Variants in PPP2R5A observed in about 807,000 individuals in gnomAD.
The protein encoded by PPP2R5A is serine/threonine-protein phosphatase 2A 56 kDa regulatory subunit alpha isoform.
A neutral mutation model predicts 64.2 loss-of-function variants in PPP2R5A; 25 were observed. The observed-to-expected ratio is 0.39, with a 90% CI of 0.28 to 0.54. The LOEUF (loss-of-function observed/expected upper bound fraction) is 0.54. Among genes scored for constraint, PPP2R5A ranks in the 20% least tolerant of loss-of-function variants. The pLI, the probability that PPP2R5A is intolerant of heterozygous loss-of-function variation, is 0.67. For synonymous variants in PPP2R5A, 198 were observed against 201.2 expected, an observed-to-expected ratio of 0.98 and a Z score of 0.13; for missense variants, 425 against 576.3, an observed-to-expected ratio of 0.74 and a Z score of 2.69.
At chr1:212,308,707 C>G (rs59424248) in intron 1 of PPP2R5A, among the ~76,000 whole-genome samples, 10,308 of 152,172 alleles carry the variant, frequency 0.068, 1,139 homozygotes, top group African/African-American at 0.23. Context: ...CCGCACCTGG[C>G]TGTGTGTTGG....
intron 1 of PPP2R5A, chr1:212,297,653 G>A (rs1033216539): frequency 6.6e-6 from 1 of 152,104 alleles, no homozygotes; most frequent in Non-Finnish European, 1.5e-5. Context: ...TAAAGCAAGG[G>A]ATCTTTGTTT....
chr1:212,357,084 G>A lies in PPP2R5A; in HGVS notation c.1098+15G>A, dbSNP rs1659989683. ...CTCATTTTCAGGTATGATGTTTTCA[G>A]TGAAGCCTTTACTTTACACTAGTAT... On this transcript the variant is annotated intron_variant, in intron 10 of 12. Coordinates refer to ENST00000261461, the MANE Select transcript of PPP2R5A (RefSeq NM_006243.4). 1 of 1,596,778 alleles carries A rather than the reference G, an allele frequency of 6.3e-7. No homozygotes were observed. Among genetic ancestry groups the A allele is most frequent in the South Asian group, 1.2e-5 (1 of 86,922 alleles).
In PPP2R5A at chr1:212,333,605, A is replaced by G; in HGVS notation, c.480+7A>G. ...CTCTTGGCCTCACATACAGGTATGGAACATAATTACGTATTGGCAGTTTTT... is the reference window on the plus strand; with the variant it reads ...CTCTTGGCCTCACATACAGGTATGGGACATAATTACGTATTGGCAGTTTTT... On this transcript the variant is annotated splice_region_variant and intron_variant, in intron 3 of 12. Coordinates refer to ENST00000261461, the MANE Select transcript of PPP2R5A (RefSeq NM_006243.4). The G allele has an allele frequency of 6.9e-7, 1 of 1,452,850 alleles. No homozygotes were observed. Among genetic ancestry groups the G allele is most frequent in the Non-Finnish European group, 9.3e-7 (1 of 1,070,094 alleles). The allele number at this position is 1,452,850 out of a possible 1,614,324, so 90.0% of individuals were successfully genotyped here. A position where few individuals can be genotyped will look rare whatever the true frequency, so the allele number is the denominator to read the frequency against.
At chr1:212,289,588 C>G (rs1013823495) in intron 1 of PPP2R5A, among the ~76,000 whole-genome samples, 20 of 152,026 alleles carry the variant, frequency 1.3e-4, no homozygotes, top group African/African-American at 3.9e-4. Context: ...AGTCCTGGGT[C>G]AAAGGTAAAT....
intron 3 of PPP2R5A, among the ~76,000 whole-genome samples, chr1:212,339,992 T>TTA (rs71573835): frequency 1.4e-5 from 1 of 72,738 alleles, no homozygotes; most frequent in Non-Finnish European, 2.4e-5. Flanking sequence ...ACATGCTGCT[T>TTA]AAAAAAAAAA....
chr1:212,305,588 T>G (rs761166217), intron 1 of PPP2R5A, among the ~76,000 whole-genome samples: 5 of 152,108 alleles, frequency 3.3e-5, no homozygotes, highest in South Asian at 4.2e-4. Context: ...GTTCAAAGTC[T>G]TCTTCTTGTT....
rs114808752 is a variant in PPP2R5A, at chr1:212,330,055, T to C, written c.378+724T>C. ...ATAACGCTTTAATTGAAAGTCAGGA[T>C]CTTTAAGAAGTTATAATATCTGATG... On this transcript the variant is annotated intron_variant, in intron 2 of 12. Coordinates refer to ENST00000261461, the MANE Select transcript of PPP2R5A (RefSeq NM_006243.4). 7.1e-3 allele frequency among the ~76,000 whole-genome samples: 1,083 copies of C among 152,244 alleles called. 11 individuals are homozygous for C. The highest frequency in any genetic ancestry group is 0.034 in the Middle Eastern group (10 of 294).
rs983726747 is a variant in PPP2R5A at position 212,296,082 on chromosome 1, A to G, written c.181+9791A>G. Among the ~76,000 whole-genome samples the G allele has an allele frequency of 4.6e-5, 7 of 152,092 alleles. No homozygotes were observed. The South Asian group carries it at 1.5e-3, about 32-fold the overall frequency. ...AGAGAAGAAGATGCATTTGAGATAT[A>G]TCTTAGATAGGACCTTGTTAATGAA... On this transcript the variant is annotated intron_variant, in intron 1 of 12. Transcript: ENST00000261461.
intron 2 of PPP2R5A, among the ~76,000 whole-genome samples, chr1:212,332,901 A>ATTTTTTTTTTTTTT (rs1315422938): frequency 6.8e-6 from 1 of 147,102 alleles, no homozygotes; most frequent in African/African-American, 2.5e-5. Flanking sequence ...TTATTTTTTT[A>ATTTTTTTTTTTTTT]TTTTTATTTT....
At chr1:212,336,787 A>G (rs1659600257) in intron 3 of PPP2R5A, among the ~76,000 whole-genome samples, 2 of 152,218 alleles carry the variant, frequency 1.3e-5, no homozygotes, top group African/African-American at 4.8e-5. Context: ...TTCTTCTGCT[A>G]TTATAATGTG....
At chr1:212,303,169 T>G (rs903601727) in intron 1 of PPP2R5A, among the ~76,000 whole-genome samples, 9 of 152,176 alleles carry the variant, frequency 5.9e-5, no homozygotes, top group Admixed American at 4.6e-4. Flanking sequence ...ATTGCCACAG[T>G]TTTTTCCATA....
intron 1 of PPP2R5A, among the ~76,000 whole-genome samples, chr1:212,291,492 T>G (rs1344799004): frequency 6.6e-6 from 1 of 152,208 alleles, no homozygotes; most frequent in Non-Finnish European, 1.5e-5. Context: ...CTTACAGTAT[T>G]TTTAAAAGCT....
chr1:212,327,812 A>G (rs2102431912), intron 1 of PPP2R5A, among the ~76,000 whole-genome samples: 1 of 151,810 alleles, frequency 6.6e-6, no homozygotes, highest in South Asian at 2.1e-4. Flanking sequence ...AGATAAGTAA[A>G]ACTTGGTTTC....
At chr1:212,337,709 C>CTTA (rs1659613692) in intron 3 of PPP2R5A, among the ~76,000 whole-genome samples, 1 of 151,898 alleles carries the variant, frequency 6.6e-6, no homozygotes, top group South Asian at 2.1e-4. Flanking sequence ...CTTTTTAGTT[C>CTTA]TTATGGATAA....
At chr1:212,343,202 C>T (rs931577330) in intron 4 of PPP2R5A, among the ~76,000 whole-genome samples, 1 of 152,200 alleles carries the variant, frequency 6.6e-6, no homozygotes. Context: ...ATCCTCCCAC[C>T]TCAGCCTCCT....
chr1:212,329,144 C>A lies in PPP2R5A; in HGVS notation c.191C>A (p.Ser64Ter). Residue 64 changes from serine to a stop codon, truncating the protein, a stop_gained, in exon 2 of 13, where the codon TCA (serine) becomes TAA (stop). Transcript: ENST00000261461. LOFTEE classifies it high-confidence loss of function. ...TTATTTTTATTTATAGATGCCACTT[C>A]AAATGAACAACAAGAGCTTTTCTGT... is the stretch of plus-strand genomic sequence containing the variant. ...HPLPQLKDATSNEQQELFCQK... is the reference protein window; with the variant it reads ...HPLPQLKDAT 2 of 1,503,930 alleles carry A rather than the reference C, an allele frequency of 1.3e-6. No homozygotes were observed. The highest frequency in any genetic ancestry group is 1.4e-5 in the African/African-American group (1 of 70,836). The allele number at this position is 1,503,930 out of a possible 1,614,324, so 93.2% of individuals were successfully genotyped here.
At chr1:212,360,429 T>C (rs2102452856) in intron 12 of PPP2R5A, among the ~76,000 whole-genome samples, 1 of 152,316 alleles carries the variant, frequency 6.6e-6, no homozygotes. Flanking sequence ...TAGTAACGTC[T>C]AGCTGGTACA....
intron 1 of PPP2R5A, among the ~76,000 whole-genome samples, chr1:212,314,861 C>G (rs1200576927): frequency 1.3e-5 from 2 of 152,104 alleles, no homozygotes; most frequent in Admixed American, 6.6e-5. Context: ...TGTGCCCAGC[C>G]AAGTGTAGCT....
At chr1:212,329,013 A>G (rs2102432667) in intron 1 of PPP2R5A, 122 bp from the exon 2 acceptor site, 1 of 659,728 alleles carries the variant, frequency 1.5e-6, no homozygotes, top group Non-Finnish European at 2.3e-6. Context: ...AGATGGGCAC[A>G]TTTCTCACTA....
Sources: gnomAD v4.1 joint callset for allele counts (sites outside exome capture counted in the v4.1 genomes callset) on GRCh38, gnomAD v4.1.1 for gene constraint, MANE v1.5 for transcripts, NCBI Gene and HGNC (gene_info 2026-07-23, HGNC 2026-07-21) for gene names.